The following ARID3B variants were observed in gnomAD, a reference collection of about 807,000 sequenced individuals.
ARID3B encodes AT-rich interactive domain-containing protein 3B.
A neutral mutation model predicts 51.9 loss-of-function variants in ARID3B; 10 were observed. The ratio of observed to expected loss-of-function variants is 0.19; its 90% CI spans 0.12 to 0.33. The LOEUF is 0.33. ARID3B is among the 10% of genes least tolerant of loss of function. The pLI is 1.00. For missense variants in ARID3B, 483 were observed against 716.3 expected (o/e 0.67, Z 3.72); for synonymous variants, 205 against 279.5 (o/e 0.73, Z 2.66).
intron 4 of ARID3B, among the ~76,000 whole-genome samples, chr15:74,588,486 C>T (rs2061789866): frequency 6.6e-6 from 1 of 152,160 alleles, no homozygotes; most frequent in African/African-American, 2.4e-5. Context: ...CTCAGCGAGA[C>T]TGGGGCAATG....
At chr15:74,551,265 A>G (rs569114806) in intron 2 of ARID3B, among the ~76,000 whole-genome samples, 50 of 152,352 alleles carry the variant, frequency 3.3e-4, no homozygotes, top group South Asian at 6.2e-4. Context: ...ACTCCTTTTC[A>G]GGTTTTCTAG....
In ARID3B at chr15:74,597,069, G is replaced by A. The variant is rs1366649609; in HGVS notation, c.*1295G>A. ...ACACCCCCACCCCCAGCTGACCAGG[G>A]AGGCAGAGGACACCTCCCCATCACT... On this transcript the variant is annotated 3_prime_UTR_variant, in exon 9 of 9. Transcript: ENST00000346246. 1 of 236,024 alleles carries A rather than the reference G, an allele frequency of 4.2e-6. No homozygotes were observed. The highest frequency in any genetic ancestry group is 2.2e-5 in the African/African-American group (1 of 45,322). The allele number at this position is 236,024 out of a possible 1,614,324, so 14.6% of individuals were successfully genotyped here.
chr15:74,583,650 G>C (rs1303823548), intron 4 of ARID3B, among the ~76,000 whole-genome samples: 3 of 151,938 alleles, frequency 2.0e-5, no homozygotes, highest in African/African-American at 7.3e-5. Flanking sequence ...CTGGGAGGTG[G>C]AGTTTGCAGC....
Position 74,591,950 on chromosome 15 carries a change from G to A in ARID3B, c.1420+136G>A. 7.2e-7 allele frequency: 1 copy of A among 1,396,860 alleles called. No homozygotes were observed. Among genetic ancestry groups the A allele is most frequent in the Non-Finnish European group, 9.6e-7 (1 of 1,040,410 alleles). 86.5% of individuals were successfully genotyped at this position (1,396,860 alleles called of 1,614,324 possible). A position where few individuals can be genotyped will look rare whatever the true frequency, so the allele number is the denominator to read the frequency against. On this transcript the variant is annotated intron_variant, in intron 7 of 8. Transcript: ENST00000346246. The surrounding 1 kb of genome is among the most constrained non-coding windows in gnomAD (Gnocchi z 5.8). ...AGGCCCCTCCAGGTTCTGCCTTCCA[G>A]GCCCCTAGAAGAGAGGCACTGAGAT...
chr15:74,570,968 G>A (rs989359823), intron 2 of ARID3B, among the ~76,000 whole-genome samples: 1 of 152,156 alleles, frequency 6.6e-6, no homozygotes, highest in African/African-American at 2.4e-5. Context: ...AACAATGTCT[G>A]CCTTGAGAGA....
At chr15:74,543,816 T>G (rs917260064) in intron 1 of ARID3B, 44 bp from the exon 2 acceptor site, 2 of 1,323,388 alleles carry the variant, frequency 1.5e-6, no homozygotes, top group South Asian at 1.4e-5. Flanking sequence ...TTAACATGGT[T>G]GTTTTTTCCC....
chr15:74,576,410 AC>A (rs2061737641), intron 4 of ARID3B, among the ~76,000 whole-genome samples: 1 of 152,044 alleles, frequency 6.6e-6, no homozygotes, highest in Non-Finnish European at 1.5e-5. Context: ...GTGGTGGCTC[AC>A]GCCTGTAATC....
chr15:74,541,236 C>T lies in ARID3B; in HGVS notation c.-172C>T, dbSNP rs559420509. ...GGTGCGGGCCCCGCCCCGGCTGTGGCCCCCGGCTGCGGAGGAGTCCGAGAC... is the reference window on the plus strand; with the variant it reads ...GGTGCGGGCCCCGCCCCGGCTGTGGTCCCCGGCTGCGGAGGAGTCCGAGAC... On this transcript the variant is annotated 5_prime_UTR_variant, in exon 1 of 9. Transcript: ENST00000346246. The T allele has an allele frequency of 2.1e-4, 32 of 151,162 alleles. No homozygotes were observed. The highest frequency in any genetic ancestry group is 7.5e-4 in the African/African-American group (31 of 41,346). The allele number at this position is 151,162 out of a possible 1,614,324, so 9.4% of individuals were successfully genotyped here.
At chr15:74,575,920 A>G (rs770213420) in intron 4 of ARID3B, among the ~76,000 whole-genome samples, 2 of 152,194 alleles carry the variant, frequency 1.3e-5, no homozygotes, top group Non-Finnish European at 2.9e-5. Context: ...ATTTTGAGAC[A>G]GGGTCTCACT....
intron 2 of ARID3B, among the ~76,000 whole-genome samples, chr15:74,570,362 G>A (rs1002906096): frequency 6.9e-6 from 1 of 144,456 alleles, no homozygotes; most frequent in African/African-American, 2.6e-5. Context: ...GGAAAGCCCT[G>A]TCTGACTTTT....
chr15:74,544,206 G>T lies in ARID3B; in HGVS notation c.270G>T (p.Glu90Asp), dbSNP rs1190034526. ...QVFERGNMNS[E>D]PEEEDGGLED... ...TTGAACGGGGCAACATGAACTCAGA[G>T]CCTGAGGAAGAGGACGGAGGTTTGG... is the stretch of plus-strand genomic sequence containing the variant. Residue 90 changes from glutamate (E) to aspartate (D), a missense_variant, in exon 2 of 9, where the codon GAG (glutamate) becomes GAT (aspartate). Glu to Asp is a conservative substitution (Grantham distance 45). Transcript: ENST00000346246. 1 of 1,614,054 alleles carries T rather than the reference G, an allele frequency of 6.2e-7. No homozygotes were observed. The highest frequency in any genetic ancestry group is 2.2e-5 in the East Asian group (1 of 44,890).
intron 2 of ARID3B, among the ~76,000 whole-genome samples, chr15:74,568,912 C>T (rs1255675510): frequency 6.6e-6 from 1 of 152,192 alleles, no homozygotes; most frequent in Admixed American, 6.5e-5. Context: ...TTGCATGCAG[C>T]AACCCTTCAA....
At chr15:74,550,456 G>A (rs1209313104) in intron 2 of ARID3B, among the ~76,000 whole-genome samples, 2 of 152,078 alleles carry the variant, frequency 1.3e-5, no homozygotes, top group Non-Finnish European at 2.9e-5. Flanking sequence ...ACTTTGGGAG[G>A]CGGAGGCAGG....
rs545979835 is a variant in ARID3B, at chr15:74,566,441, A to G, written c.553-6421A>G. Among the ~76,000 whole-genome samples the G allele has an allele frequency of 7.2e-5, 11 of 152,078 alleles. No individual in the cohort carries two copies. In the South Asian group the frequency reaches 1.7e-3, roughly 23 times the overall value. On this transcript the variant is annotated intron_variant, in intron 2 of 8. Transcript: ENST00000346246. The stretch of plus-strand genomic sequence containing the variant: ...ATGGTAAAACCCGTCTCTACTAAAA[A>G]AAAATACAAAAATTAGCTGGGCATG...
rs2061835993 is a variant in ARID3B, at chr15:74,598,096, G to A, written c.*2322G>A. 1 of 503,950 alleles carries A rather than the reference G, an allele frequency of 2.0e-6. No individual in the cohort carries two copies. The allele number at this position is 503,950 out of a possible 1,614,324, so 31.2% of individuals were successfully genotyped here. A position where few individuals can be genotyped will look rare whatever the true frequency, so the allele number is the denominator to read the frequency against. On this transcript the variant is annotated 3_prime_UTR_variant, in exon 9 of 9. Coordinates refer to ENST00000346246, the MANE Select transcript of ARID3B (RefSeq NM_006465.4). ...TTTTCTATCTTACATGTTCTCGAAT[G>A]TTTATATTTCAATAAACCTCTACCT...
intron 2 of ARID3B, among the ~76,000 whole-genome samples, 197 bp from the exon 3 acceptor site, chr15:74,572,664 CA>C (rs939769720): frequency 1.3e-5 from 2 of 150,376 alleles, no homozygotes; most frequent in Admixed American, 1.3e-4. Context: ...ATTTTGGAAC[CA>C]AATCAAAAGC....
At chr15:74,579,515 T>G (rs895387763) in intron 4 of ARID3B, among the ~76,000 whole-genome samples, 1 of 152,198 alleles carries the variant, frequency 6.6e-6, no homozygotes, top group African/African-American at 2.4e-5. Context: ...TGGAAGTTTC[T>G]ATTGTCTGTA....
intron 2 of ARID3B, among the ~76,000 whole-genome samples, chr15:74,550,177 G>A (rs2061631185): frequency 6.6e-6 from 1 of 152,032 alleles, no homozygotes; most frequent in South Asian, 2.1e-4. Context: ...AAAGGTTTGG[G>A]GCCTAGAACT....
At chr15:74,559,044 A>G (rs1270189570) in intron 2 of ARID3B, among the ~76,000 whole-genome samples, 1 of 151,958 alleles carries the variant, frequency 6.6e-6, no homozygotes, top group Admixed American at 6.6e-5. Context: ...CGGGCCATGT[A>G]GTCTCTCATG....
Sources: gnomAD v4.1 joint callset for allele counts (sites outside exome capture counted in the v4.1 genomes callset) on GRCh38, gnomAD v4.1.1 for gene constraint, Gnocchi (gnomAD v3.1) non-coding constraint, MANE v1.5 for transcripts, NCBI Gene and HGNC (gene_info 2026-07-23, HGNC 2026-07-21) for gene names.